The following RIMS1 variants were observed in gnomAD, a reference collection of about 807,000 sequenced individuals.
RIMS1 encodes the protein regulating synaptic membrane exocytosis 1, also known as regulating synaptic membrane exocytosis protein 1.
RIMS1 carries 83 observed loss-of-function variants against 214.1 expected under a neutral mutation model. That is an observed-to-expected ratio of 0.39 (90% CI 0.32 to 0.47). The LOEUF (loss-of-function observed/expected upper bound fraction) is 0.47. Among genes scored for constraint, RIMS1 ranks in the 20% least tolerant of loss-of-function variants. RIMS1 has a pLI of 0.99. For missense variants in RIMS1, 2,050 were observed against 2,161.8 expected, an observed-to-expected ratio of 0.95 and a Z score of 1.03; for synonymous variants, 793 against 786.8, an observed-to-expected ratio of 1.01 and a Z score of -0.13.
chr6:71,988,792 T>C (rs1800744617), intron 2 of RIMS1, among the ~76,000 whole-genome samples: 2 of 152,196 alleles, frequency 1.3e-5, no homozygotes, highest in African/African-American at 4.8e-5. Flanking sequence ...ATTGGTAACA[T>C]TATTTTTTTA....
chr6:71,994,533 G>A (rs937491472), intron 2 of RIMS1, among the ~76,000 whole-genome samples: 6 of 152,116 alleles, frequency 3.9e-5, no homozygotes, highest in Admixed American at 3.3e-4. Flanking sequence ...ATATAATGGG[G>A]ACATTTTGTC....
chr6:72,076,445 G>A (rs1374708935), intron 2 of RIMS1, among the ~76,000 whole-genome samples: 1 of 152,090 alleles, frequency 6.6e-6, no homozygotes, highest in African/African-American at 2.4e-5. Context: ...GTATTATATG[G>A]ACACTCATCC....
intron 4 of RIMS1, among the ~76,000 whole-genome samples, chr6:72,118,363 G>A (rs1384680458): frequency 6.7e-6 from 1 of 150,126 alleles, no homozygotes; most frequent in African/African-American, 2.4e-5. Flanking sequence ...AAAAGTCCAG[G>A]GCCAGATGGA....
chr6:72,217,246 A>T (rs749666234), intron 6 of RIMS1: 15 of 1,532,704 alleles, frequency 9.8e-6, no homozygotes, highest in Non-Finnish European at 1.3e-5. Context: ...AGGAACAGGT[A>T]AACTAAATTA....
chr6:72,283,640 G>A (rs763683377), intron 23 of RIMS1, among the ~76,000 whole-genome samples: 1 of 152,050 alleles, frequency 6.6e-6, no homozygotes, highest in Non-Finnish European at 1.5e-5. Flanking sequence ...AAAGTAGGGG[G>A]CATTTCACCC....
At chr6:71,968,857 G>T (rs1015427503) in intron 1 of RIMS1, 126 bp from the exon 2 acceptor site, 10 of 942,588 alleles carry the variant, frequency 1.1e-5, no homozygotes, top group Admixed American at 8.6e-5. Flanking sequence ...GGGCCCCAAG[G>T]TTAATGTTGA....
intron 22 of RIMS1, chr6:72,266,333 G>A: frequency 4.4e-6 from 2 of 452,958 alleles, no homozygotes; most frequent in Non-Finnish European, 8.2e-6. Flanking sequence ...TTGCTGTTCA[G>A]TCATTTTATT....
intron 6 of RIMS1, among the ~76,000 whole-genome samples, chr6:72,208,473 G>A (rs1282438234): frequency 6.6e-6 from 1 of 152,160 alleles, no homozygotes; most frequent in Non-Finnish European, 1.5e-5. Context: ...AGCTCAGAGA[G>A]CTAAAATGTT....
At chr6:71,908,809 C>T (rs1367667948) in intron 1 of RIMS1, among the ~76,000 whole-genome samples, 1 of 152,074 alleles carries the variant, frequency 6.6e-6, no homozygotes, top group Non-Finnish European at 1.5e-5. Context: ...TTTCTCCTAC[C>T]ACCATATATT....
At chr6:72,140,735 T>C (rs2041982529) in intron 4 of RIMS1, among the ~76,000 whole-genome samples, 1 of 152,094 alleles carries the variant, frequency 6.6e-6, no homozygotes, top group Non-Finnish European at 1.5e-5. Context: ...GCATTTCCCA[T>C]CTTCAGATTA....
chr6:72,132,974 A>G (rs771442023), intron 4 of RIMS1, among the ~76,000 whole-genome samples: 12 of 151,984 alleles, frequency 7.9e-5, no homozygotes, highest in Non-Finnish European at 1.2e-4. Context: ...TTGTCAAGAC[A>G]ACCCTATTAC....
intron 4 of RIMS1, among the ~76,000 whole-genome samples, chr6:72,118,827 A>C (rs1446120499): frequency 6.6e-6 from 1 of 151,654 alleles, no homozygotes; most frequent in Non-Finnish European, 1.5e-5. Context: ...CCTACTTCAA[A>C]GTAATAAAAG....
chr6:72,325,237 TAGAG>T (rs1048121672), intron 28 of RIMS1, among the ~76,000 whole-genome samples: 1 of 151,748 alleles, frequency 6.6e-6, no homozygotes, highest in Non-Finnish European at 1.5e-5. Context: ...CTCATTAAAA[TAGAG>T]AGACCCCAAA....
At chr6:72,179,183 T>C (rs561556699) in intron 4 of RIMS1, among the ~76,000 whole-genome samples, 1 of 152,344 alleles carries the variant, frequency 6.6e-6, no homozygotes, top group South Asian at 2.1e-4. Flanking sequence ...ACTGATTCTG[T>C]AGTTCCTGGT....
chr6:72,240,697 A>G (rs1473546021), intron 9 of RIMS1, among the ~76,000 whole-genome samples: 1 of 144,634 alleles, frequency 6.9e-6, no homozygotes, highest in African/African-American at 2.6e-5. Flanking sequence ...TTTTCTAGGT[A>G]ACAGCTTAGG....
chr6:72,252,973 C>A, intron 16 of RIMS1, 141 bp downstream of exon 16: 1 of 617,060 alleles, frequency 1.6e-6, no homozygotes, highest in Non-Finnish European at 2.8e-6. Flanking sequence ...TGGTGACTTA[C>A]ATTTCAAATT....
intron 4 of RIMS1, among the ~76,000 whole-genome samples, chr6:72,106,884 C>A (rs991055992): frequency 6.6e-6 from 1 of 152,092 alleles, no homozygotes; most frequent in African/African-American, 2.4e-5. Flanking sequence ...GAGATTTATG[C>A]GTCATATGCA....
intron 6 of RIMS1, among the ~76,000 whole-genome samples, chr6:72,195,985 A>C (rs191590022): frequency 6.6e-6 from 1 of 152,156 alleles, no homozygotes; most frequent in East Asian, 1.9e-4. Context: ...TATCATGAGA[A>C]CAGCATGGGG....
chr6:72,154,524 G>A (rs1322136226), intron 4 of RIMS1, among the ~76,000 whole-genome samples: 1 of 140,444 alleles, frequency 7.1e-6, no homozygotes, highest in East Asian at 2.0e-4. Flanking sequence ...AGAACAACCT[G>A]GTGAGTTGAA....
Sources: gnomAD v4.1 joint callset for allele counts (sites outside exome capture counted in the v4.1 genomes callset) on GRCh38, gnomAD v4.1.1 for gene constraint, MANE v1.5 for transcripts, NCBI Gene and HGNC (gene_info 2026-07-23, HGNC 2026-07-21) for gene names.